Variants in CDH18 observed in about 807,000 individuals in gnomAD.
The protein encoded by CDH18 is cadherin-18.
In CDH18, 31 loss-of-function variants were observed where a neutral mutation model predicts 67.9. The observed-to-expected ratio is 0.46, with a 90% CI of 0.34 to 0.62. CDH18 has a LOEUF of 0.62. Ranked by LOEUF, CDH18 falls within the 20% of genes least tolerant of loss-of-function variation. The pLI is 0.01. For synonymous variants in CDH18, 362 were observed against 347.2 expected (o/e 1.04, Z -0.48); for missense variants, 890 against 975.5 (o/e 0.91, Z 1.17).
At chr5:20,193,334 A>G (rs1210222750) in intron 2 of CDH18, among the ~76,000 whole-genome samples, 2 of 152,184 alleles carry the variant, frequency 1.3e-5, no homozygotes, top group African/African-American at 4.8e-5. Context: ...TAGAAAATCT[A>G]GAAGAAATGG....
intron 5 of CDH18, among the ~76,000 whole-genome samples, chr5:19,659,573 T>A (rs1034496412): frequency 2.0e-5 from 3 of 152,124 alleles, no homozygotes; most frequent in African/African-American, 7.2e-5. Flanking sequence ...AAGATTTACA[T>A]TGAAATTTAA....
chr5:20,227,593 T>G (rs1220529910), intron 2 of CDH18, among the ~76,000 whole-genome samples: 1 of 152,126 alleles, frequency 6.6e-6, no homozygotes, highest in African/African-American at 2.4e-5. Flanking sequence ...TTGTCTTCTT[T>G]TCTATAAGTT....
intron 5 of CDH18, among the ~76,000 whole-genome samples, chr5:19,714,972 C>A (rs1486422549): frequency 6.6e-6 from 1 of 151,934 alleles, no homozygotes; most frequent in African/African-American, 2.4e-5. Flanking sequence ...TCTTTATCTT[C>A]TGCAGATATT....
intron 2 of CDH18, among the ~76,000 whole-genome samples, chr5:20,198,744 T>G (rs970522883): frequency 2.7e-4 from 41 of 151,222 alleles, no homozygotes; most frequent in African/African-American, 9.7e-4. Context: ...AGGCCTGGAG[T>G]CTTAAGAGGA....
chr5:19,846,638 A>C (rs536018421), intron 2 of CDH18, among the ~76,000 whole-genome samples: 2 of 152,294 alleles, frequency 1.3e-5, no homozygotes, highest in South Asian at 4.1e-4. Flanking sequence ...TGGGTTCCAC[A>C]TGACCAACTG....
At chr5:20,309,124 T>A (rs910134108) in intron 1 of CDH18, among the ~76,000 whole-genome samples, 2 of 152,082 alleles carry the variant, frequency 1.3e-5, no homozygotes, top group Non-Finnish European at 2.9e-5. Flanking sequence ...CTGGGAAAAA[T>A]TTCTTATGCT....
At chr5:19,793,796 G>A (rs1776597400) in intron 3 of CDH18, among the ~76,000 whole-genome samples, 1 of 151,894 alleles carries the variant, frequency 6.6e-6, no homozygotes, top group Non-Finnish European at 1.5e-5. Context: ...ATGGAAGGAG[G>A]GTAGATAACC....
At chr5:19,892,085 G>T (rs1244863040) in intron 2 of CDH18, among the ~76,000 whole-genome samples, 4 of 152,088 alleles carry the variant, frequency 2.6e-5, no homozygotes, top group Admixed American at 6.6e-5. Context: ...TGATAAAAAT[G>T]CAAAATAAAA....
At chr5:20,120,417 C>G (rs969542144) in intron 2 of CDH18, among the ~76,000 whole-genome samples, 1 of 152,050 alleles carries the variant, frequency 6.6e-6, no homozygotes, top group Non-Finnish European at 1.5e-5. Flanking sequence ...ATTATTATTT[C>G]TACTTTACAG....
chr5:19,559,915 C>CAAAAAAAAAAAAAAAAAAAAAAA (rs754748614), intron 8 of CDH18, among the ~76,000 whole-genome samples: 1 of 131,940 alleles, frequency 7.6e-6, no homozygotes, highest in African/African-American at 3.0e-5. Context: ...ATAATAGTTG[C>CAAAAAAAAAAAAAAAAAAAAAAA]AAAAACAAAC....
chr5:20,031,645 A>AAAAAC (rs551188657), intron 2 of CDH18, among the ~76,000 whole-genome samples: 2 of 152,128 alleles, frequency 1.3e-5, no homozygotes, highest in African/African-American at 2.4e-5. Context: ...TATTTTTGAA[A>AAAAAC]AAAACAAAAC....
chr5:19,879,896 T>C (rs1787435755), intron 2 of CDH18, among the ~76,000 whole-genome samples: 1 of 152,006 alleles, frequency 6.6e-6, no homozygotes. Context: ...AAAATACTTA[T>C]TTATATCTTT....
chr5:19,840,952 G>T (rs929143414), intron 2 of CDH18, among the ~76,000 whole-genome samples: 5 of 151,788 alleles, frequency 3.3e-5, no homozygotes, highest in Admixed American at 1.3e-4. Context: ...ATAACAAATT[G>T]ACATGACAGT....
chr5:19,796,914 GAATA>G (rs1406169119), intron 3 of CDH18, among the ~76,000 whole-genome samples: 1 of 151,688 alleles, frequency 6.6e-6, no homozygotes, highest in Non-Finnish European at 1.5e-5. Context: ...CTCAAAAACA[GAATA>G]AATTAATTAG....
intron 1 of CDH18, among the ~76,000 whole-genome samples, chr5:20,382,855 C>T (rs1027565728): frequency 7.2e-5 from 11 of 152,100 alleles, no homozygotes; most frequent in African/African-American, 2.7e-4. Flanking sequence ...TTCTCCACAG[C>T]TATCAACACC....
intron 1 of CDH18, among the ~76,000 whole-genome samples, chr5:20,288,196 G>T (rs917887558): frequency 1.3e-5 from 2 of 151,552 alleles, no homozygotes; most frequent in Admixed American, 1.3e-4. Flanking sequence ...CCAATTCAGA[G>T]GCAGAATCTC....
intron 6 of CDH18, 124 bp from the exon 7 acceptor site, chr5:19,591,368 C>T: frequency 2.0e-6 from 1 of 510,774 alleles, no homozygotes; most frequent in Admixed American, 4.0e-5. Context: ...ATCAAATGGA[C>T]TTTTTTAGAT....
chr5:20,020,377 A>T (rs910044394), intron 2 of CDH18, among the ~76,000 whole-genome samples: 1 of 152,146 alleles, frequency 6.6e-6, no homozygotes, highest in South Asian at 2.1e-4. Context: ...GTTAATAGCT[A>T]AGACAATGGG....
intron 5 of CDH18, among the ~76,000 whole-genome samples, chr5:19,621,222 T>TG (rs1750644155): frequency 1.3e-5 from 2 of 151,574 alleles, no homozygotes; most frequent in South Asian, 2.1e-4. Flanking sequence ...CCAGGTTTTT[T>TG]TTTTTTTTTT....
Sources: allele counts gnomAD v4.1 joint callset (sites outside exome capture counted in the v4.1 genomes callset), GRCh38; gene constraint gnomAD v4.1.1; transcripts MANE v1.5; gene names NCBI Gene and HGNC (gene_info 2026-07-23, HGNC 2026-07-21).